NLRP5: variants seen among roughly 807,000 people sequenced by gnomAD.
NLRP5 encodes the protein NACHT, LRR and PYD domains-containing protein 5.
A neutral mutation model predicts 113.1 loss-of-function variants in NLRP5; 93 were observed. That is an observed-to-expected ratio of 0.82 (90% CI 0.70 to 0.98). NLRP5 has a LOEUF of 0.98. Among genes scored for constraint, NLRP5 ranks in the 50% least tolerant of loss-of-function variants. The probability of loss-of-function intolerance (pLI) is 0.00; values close to 1 mark genes in which losing one functional copy is unlikely to be tolerated. For synonymous variants in NLRP5, 751 were observed against 600.7 expected (o/e 1.25, Z -3.66); for missense variants, 1,808 against 1,514.3 (o/e 1.19, Z -3.22).
intron 7 of NLRP5, among the ~76,000 whole-genome samples, chr19:56,030,406 C>T (rs1983052269): frequency 6.6e-6 from 1 of 152,096 alleles, no homozygotes; most frequent in Non-Finnish European, 1.5e-5. Flanking sequence ...AGGTCTGGCA[C>T]AGCACCTGCT....
chr19:56,002,044 G>A (rs1981674628), intron 1 of NLRP5, among the ~76,000 whole-genome samples: 1 of 152,158 alleles, frequency 6.6e-6, no homozygotes, highest in African/African-American at 2.4e-5. Context: ...ACATTTCAAT[G>A]TCATCATAGA....
At chr19:55,999,212 C>CT (rs906346601), upstream of NLRP5, among the ~76,000 whole-genome samples, 33,911 of 111,550 alleles carry the variant, frequency 0.3, 6,235 homozygotes, top group East Asian at 0.41. Flanking sequence ...TTTTCTTTTT[C>CT]TTTTTTTTTT....
At chr19:56,042,086 T>G (rs1404233635) in intron 11 of NLRP5, among the ~76,000 whole-genome samples, 2 of 152,198 alleles carry the variant, frequency 1.3e-5, no homozygotes, top group African/African-American at 4.8e-5. Flanking sequence ...GCAACGTGTG[T>G]CTGGAGACTC....
chr19:56,007,884 TGTGTGCGC>T lies in NLRP5; in HGVS notation c.443-900_443-893del, dbSNP rs1216920934. 4.3e-4 allele frequency among the ~76,000 whole-genome samples: 43 copies of T among 99,852 alleles called. 1 individual carries two copies. The highest frequency in any genetic ancestry group is 1.5e-3 in the Admixed American group (15 of 9,976). 65.5% of individuals were successfully genotyped at this position (99,852 alleles called of 152,430 possible). ...ACAAGACAGTTTGTGTGTGTGTGTGTGTGTGCGCGTGCGCGCGTGCGTGTGTGTGTGTG... is the reference window on the plus strand; with the variant it reads ...ACAAGACAGTTTGTGTGTGTGTGTGTGTGCGCGCGTGCGTGTGTGTGTGTG... On this transcript the variant is annotated intron_variant, in intron 2 of 14. Transcript: ENST00000390649.
chr19:56,008,436 G>A (rs62123587), intron 2 of NLRP5, among the ~76,000 whole-genome samples: 29,747 of 151,984 alleles, frequency 0.2, 3,670 homozygotes, highest in East Asian at 0.27. Flanking sequence ...TAACTCATAG[G>A]CATCTAGTGA....
chr19:56,053,956 TG>T, intron 13 of NLRP5, 148 bp downstream of exon 13: 1 of 671,012 alleles, frequency 1.5e-6, no homozygotes, highest in Non-Finnish European at 2.6e-6. Flanking sequence ...ACCACAGATC[TG>T]GGTATAAGTT....
At position 56,056,377 on chromosome 19, in the gene NLRP5, GA is replaced by G. The variant is rs574480535; in HGVS notation, c.3300-1859del. ...GTTCGAGACCAGTGTGCCAACATAG[GA>G]AAACCCCATCTCTACTAAAAATATA... On this transcript the variant is annotated intron_variant, in intron 13 of 14. Transcript: ENST00000390649. Among the ~76,000 whole-genome samples the G allele has an allele frequency of 3.3e-5, 5 of 151,860 alleles. No individual in the cohort carries two copies. The East Asian group carries it at 9.8e-4, about 30-fold the overall frequency.
At chr19:56,012,133 C>G (rs1317828161) in intron 3 of NLRP5, among the ~76,000 whole-genome samples, 1 of 151,784 alleles carries the variant, frequency 6.6e-6, no homozygotes, top group African/African-American at 2.4e-5. Flanking sequence ...AGGTGTTCTT[C>G]CCGTAGTGGC....
chr19:56,000,505 C>T (rs918116681), intron 1 of NLRP5, among the ~76,000 whole-genome samples: 1 of 151,860 alleles, frequency 6.6e-6, no homozygotes, highest in African/African-American at 2.4e-5. Flanking sequence ...GCTGGGACTA[C>T]AGGCGCCCGC....
chr19:55,999,604 G>A (rs996673607), upstream of NLRP5: 40 of 760,322 alleles, frequency 5.3e-5, no homozygotes, highest in Admixed American at 2.7e-4. Context: ...CCTTCCGACC[G>A]GCTCACTTGT....
intron 6 of NLRP5, among the ~76,000 whole-genome samples, chr19:56,026,203 G>A (rs1459125888): frequency 2.6e-5 from 4 of 152,034 alleles, no homozygotes; most frequent in African/African-American, 9.7e-5. Flanking sequence ...GCTCGGTCCA[G>A]GGTTTCTGTG....
At chr19:56,023,567 T>C (rs1308839800) in intron 6 of NLRP5, among the ~76,000 whole-genome samples, 1 of 151,976 alleles carries the variant, frequency 6.6e-6, no homozygotes, top group African/African-American at 2.4e-5. Flanking sequence ...GTAGACATCG[T>C]GTTAGATATT....
intron 11 of NLRP5, among the ~76,000 whole-genome samples, chr19:56,044,907 G>GTA (rs1983666700): frequency 6.6e-6 from 1 of 152,154 alleles, no homozygotes. Context: ...AGTTTTCCTT[G>GTA]TAGAGGTCTT....
chr19:56,032,838 C>T, intron 8 of NLRP5, 57 bp downstream of exon 8: 2 of 1,511,218 alleles, frequency 1.3e-6, no homozygotes, highest in South Asian at 1.2e-5. Context: ...TCCCAGCTCT[C>T]CCCTACCTCC....
intron 6 of NLRP5, among the ~76,000 whole-genome samples, chr19:56,021,084 TC>T (rs1424326304): frequency 6.6e-6 from 1 of 151,986 alleles, no homozygotes; most frequent in Non-Finnish European, 1.5e-5. Flanking sequence ...ATTGGCCAGG[TC>T]GGTCTCGCAC....
chr19:56,005,577 A>ACACG (rs1276763796), intron 2 of NLRP5, among the ~76,000 whole-genome samples: 1 of 146,774 alleles, frequency 6.8e-6, no homozygotes, highest in Non-Finnish European at 1.5e-5. Flanking sequence ...ATATTTATAC[A>ACACG]CACACGCACA....
At chr19:55,998,682 A>ATGTG (rs1233364294), upstream of NLRP5, among the ~76,000 whole-genome samples, 1 of 83,656 alleles carries the variant, frequency 1.2e-5, no homozygotes, top group African/African-American at 6.2e-5. Context: ...GTATATATAT[A>ATGTG]TATATATATA....
At chr19:55,991,646 G>A in the NLRP5 span, among the ~76,000 whole-genome samples, 1 of 152,190 alleles carries the variant, frequency 6.6e-6, no homozygotes, top group South Asian at 2.1e-4. Context: ...TTTGTTACCA[G>A]CCCAATTTAA....
intron 7 of NLRP5, among the ~76,000 whole-genome samples, chr19:56,029,089 C>T (rs967922748): frequency 1.3e-5 from 2 of 151,870 alleles, no homozygotes; most frequent in African/African-American, 4.8e-5. Context: ...GGTTTGTGGA[C>T]TGCTTATTTG....
Sources: allele counts gnomAD v4.1 joint callset (sites outside exome capture counted in the v4.1 genomes callset), GRCh38; gene constraint gnomAD v4.1.1; transcripts MANE v1.5; gene names NCBI Gene and HGNC (gene_info 2026-07-23, HGNC 2026-07-21).